The following BABAM2 variants were observed in gnomAD, a reference collection of about 807,000 sequenced individuals.
BABAM2 encodes the protein BRISC and BRCA1-A complex member 2.
BABAM2 carries 31 observed loss-of-function variants against 54.7 expected under a neutral mutation model. That is an observed-to-expected ratio of 0.57 (90% confidence interval 0.43 to 0.77). BABAM2 has a LOEUF of 0.77. BABAM2 is among the 30% of genes least tolerant of loss of function. BABAM2 has a pLI of 0.00. For missense variants in BABAM2, 364 were observed against 455.8 expected, an observed-to-expected ratio of 0.80 and a Z score of 1.83; for synonymous variants, 167 against 162.9, an observed-to-expected ratio of 1.03 and a Z score of -0.19.
rs186355343 is a variant in BABAM2, at chr2:28,297,329, G to A, written c.935-1009G>A. On this transcript the variant is annotated intron_variant, in intron 10 of 11. Coordinates refer to ENST00000379624, the MANE Select transcript of BABAM2 (RefSeq NM_199191.3). Reference sequence around the variant, plus strand: ...AGTTCTAAGTAACAAATCAGATAACGTGTATAAAGATACCCTGTAAATCTA... The same window carrying A: ...AGTTCTAAGTAACAAATCAGATAACATGTATAAAGATACCCTGTAAATCTA... Among the ~76,000 whole-genome samples, 9 of 152,236 alleles carry A rather than the reference G, an allele frequency of 5.9e-5. No individual in the cohort carries two copies. In the East Asian group the frequency reaches 9.7e-4, roughly 16 times the overall value.
chr2:27,981,493 T>C (rs1671998497), intron 3 of BABAM2, among the ~76,000 whole-genome samples: 1 of 152,176 alleles, frequency 6.6e-6, no homozygotes, highest in African/African-American at 2.4e-5. Context: ...CTTGTACCAG[T>C]TAGCAGTCGC....
intron 7 of BABAM2, among the ~76,000 whole-genome samples, chr2:28,131,574 A>G (rs902448262): frequency 6.6e-6 from 1 of 152,078 alleles, no homozygotes; most frequent in Non-Finnish European, 1.5e-5. Context: ...AATAGACATA[A>G]TAATACCTAT....
intron 3 of BABAM2, among the ~76,000 whole-genome samples, chr2:27,954,069 G>A (rs1009885424): frequency 1.3e-5 from 2 of 152,152 alleles, no homozygotes; most frequent in African/African-American, 4.8e-5. Flanking sequence ...GTTTGATAGC[G>A]GTGCACAAAC....
Position 28,062,863 on chromosome 2 carries a change from G to A in BABAM2, c.570+17064G>A, listed in dbSNP as rs767515733. On this transcript the variant is annotated intron_variant, in intron 6 of 11. Transcript: ENST00000379624. ...GTGCCATTCTGTGTTATGACTTACAGCCACTTAATGTCACCACTAGCATTT... is the reference window on the plus strand; with the variant it reads ...GTGCCATTCTGTGTTATGACTTACAACCACTTAATGTCACCACTAGCATTT... Among the ~76,000 whole-genome samples, 14 of 152,298 alleles carry A rather than the reference G, an allele frequency of 9.2e-5. No individual in the cohort carries two copies. The East Asian group carries it at 1.7e-3, about 19-fold the overall frequency.
chr2:28,250,318 C>CTTTTTT (rs35545683), intron 10 of BABAM2, among the ~76,000 whole-genome samples: 1 of 118,810 alleles, frequency 8.4e-6, no homozygotes, highest in Non-Finnish European at 1.7e-5. Flanking sequence ...ATTTGTTGAA[C>CTTTTTT]TTTTTTTTTT....
chr2:28,263,131 CA>C (rs539550619), intron 10 of BABAM2, among the ~76,000 whole-genome samples: 15,434 of 97,630 alleles, frequency 0.16, 800 homozygotes, highest in African/African-American at 0.26. Context: ...GACACTGTCT[CA>C]AAAAAAAAAA....
intron 2 of BABAM2, among the ~76,000 whole-genome samples, chr2:27,904,505 G>A (rs907503973): frequency 2.6e-5 from 4 of 152,244 alleles, no homozygotes; most frequent in Admixed American, 6.5e-5. Flanking sequence ...AAGCTCAGTC[G>A]TTGACAACAC....
intron 7 of BABAM2, among the ~76,000 whole-genome samples, chr2:28,200,090 AGCT>A (rs2147951130): frequency 6.6e-6 from 1 of 152,302 alleles, no homozygotes; most frequent in South Asian, 2.1e-4. Flanking sequence ...CTTCATACGT[AGCT>A]GGTTTAGAAT....
intron 6 of BABAM2, among the ~76,000 whole-genome samples, chr2:28,049,618 T>G (rs1677856448): frequency 1.3e-5 from 2 of 152,210 alleles, no homozygotes; most frequent in Admixed American, 1.3e-4. Context: ...GTGAAAAAGC[T>G]AAAATAGGTT....
At chr2:28,196,762 T>C (rs1375615955) in intron 7 of BABAM2, among the ~76,000 whole-genome samples, 1 of 149,172 alleles carries the variant, frequency 6.7e-6, no homozygotes, top group Non-Finnish European at 1.5e-5. Context: ...GGTAGAAGGA[T>C]TGCTGGAGCC....
At chr2:28,122,070 G>T (rs1405024575) in intron 6 of BABAM2, among the ~76,000 whole-genome samples, 1 of 152,056 alleles carries the variant, frequency 6.6e-6, no homozygotes, top group African/African-American at 2.4e-5. Flanking sequence ...AAAAAAATTA[G>T]CTGGCCATGG....
At chr2:28,028,051 C>T (rs1198893574) in intron 5 of BABAM2, among the ~76,000 whole-genome samples, 1 of 152,104 alleles carries the variant, frequency 6.6e-6, no homozygotes, top group Non-Finnish European at 1.5e-5. Flanking sequence ...ACAGGCTGTG[C>T]TTGAAGTGTT....
intron 6 of BABAM2, among the ~76,000 whole-genome samples, chr2:28,087,445 C>T (rs1665759164): frequency 6.6e-6 from 1 of 152,058 alleles, no homozygotes; most frequent in Non-Finnish European, 1.5e-5. Context: ...GAGGCAGAAG[C>T]CACTAGATCC....
chr2:28,069,171 C>T (rs1158252232), intron 6 of BABAM2, among the ~76,000 whole-genome samples: 9 of 152,138 alleles, frequency 5.9e-5, no homozygotes, highest in Admixed American at 4.6e-4. Context: ...TTTCTTACAT[C>T]CCCTTCTTTA....
At position 28,185,599 on chromosome 2, in the gene BABAM2, C is replaced by A. The variant is rs190540016; in HGVS notation, c.681-51603C>A. On this transcript the variant is annotated intron_variant, in intron 7 of 11. Coordinates refer to ENST00000379624, the MANE Select transcript of BABAM2 (RefSeq NM_199191.3). ...CGATGCATTTTTTTGTATAAGTAAT[C>A]CCCTTGGCCAGCGTCAGTGCATGAG... Among the ~76,000 whole-genome samples, 399 of 152,166 alleles carry A rather than the reference C, an allele frequency of 2.6e-3. 1 individual carries two copies. Among genetic ancestry groups the A allele is most frequent in the Admixed American group, 3.7e-3 (56 of 15,276 alleles).
intron 6 of BABAM2, among the ~76,000 whole-genome samples, chr2:28,117,975 TG>T (rs1445780167): frequency 1.3e-5 from 2 of 152,226 alleles, no homozygotes; most frequent in African/African-American, 4.8e-5. Flanking sequence ...ATTAAGGATG[TG>T]GTAAATGGTA....
intron 7 of BABAM2, among the ~76,000 whole-genome samples, chr2:28,201,782 G>A (rs1431464725): frequency 6.6e-6 from 1 of 152,074 alleles, no homozygotes; most frequent in East Asian, 1.9e-4. Context: ...TTATAAAGAC[G>A]CTGGCAAGAA....
intron 11 of BABAM2, among the ~76,000 whole-genome samples, chr2:28,316,708 A>G (rs764276659): frequency 7.2e-5 from 11 of 152,208 alleles, no homozygotes; most frequent in Non-Finnish European, 1.5e-4. Flanking sequence ...CATTGCTCAC[A>G]GCGGGAACTT....
At chr2:28,064,794 G>T (rs1255854171) in intron 6 of BABAM2, among the ~76,000 whole-genome samples, 2 of 152,108 alleles carry the variant, frequency 1.3e-5, no homozygotes, top group Non-Finnish European at 2.9e-5. Context: ...CTGAGGTCAG[G>T]AGTTCAAGAT....
Sources: gnomAD v4.1 joint callset for allele counts (sites outside exome capture counted in the v4.1 genomes callset) on GRCh38, gnomAD v4.1.1 for gene constraint, MANE v1.5 for transcripts, NCBI Gene and HGNC (gene_info 2026-07-23, HGNC 2026-07-21) for gene names.